The following SHBG variants were observed in gnomAD, a reference collection of about 807,000 sequenced individuals.
SHBG encodes sex hormone-binding globulin.
In SHBG, 37 loss-of-function variants were observed where a neutral mutation model predicts 41.9. That is an observed-to-expected ratio of 0.88 (90% CI 0.68 to 1.16). The LOEUF is 1.16. Ranked by LOEUF, SHBG falls within the 50% of genes most tolerant of loss-of-function variation. SHBG has a pLI of 0.00. For synonymous variants in SHBG, 217 were observed against 205.8 expected (o/e 1.05, Z -0.47); for missense variants, 466 against 499.9 (o/e 0.93, Z 0.65).
chr17:7,614,919 C>A (rs1458749162), intron 1 of SHBG: 2 of 153,238 alleles, frequency 1.3e-5, no homozygotes, highest in Non-Finnish European at 2.9e-5. Context: ...GGGCACCCGC[C>A]CGCTGCGCGC....
chr17:7,615,371 A>G (rs2071954562), intron 1 of SHBG, among the ~76,000 whole-genome samples: 1 of 152,034 alleles, frequency 6.6e-6, no homozygotes, highest in Admixed American at 6.5e-5. Context: ...AGTCGCCGCA[A>G]GGAAAAAGGT....
upstream of SHBG, chr17:7,628,031 G>T (rs762598560): frequency 1.5e-5 from 7 of 473,698 alleles, 1 homozygote; most frequent in African/African-American, 9.9e-5. Flanking sequence ...GGTTGTGTGG[G>T]TGTCCCAACC....
chr17:7,628,885 G>A (rs1322974510), upstream of SHBG, among the ~76,000 whole-genome samples: 4 of 151,760 alleles, frequency 2.6e-5, no homozygotes, highest in Admixed American at 1.3e-4. Flanking sequence ...GTGAAACCCC[G>A]TCTCTACTAA....
chr17:7,623,988 G>A (rs1054920092), upstream of SHBG, among the ~76,000 whole-genome samples: 1 of 152,068 alleles, frequency 6.6e-6, no homozygotes, highest in African/African-American at 2.4e-5. Context: ...ACAGAGTCTT[G>A]CTCTGTCGCC....
intron 1 of SHBG, among the ~76,000 whole-genome samples, chr17:7,621,473 C>T (rs560272678): frequency 1.0e-4 from 14 of 138,592 alleles, no homozygotes; most frequent in African/African-American, 1.9e-4. Context: ...TGGTGGTGCA[C>T]GCCTGTAATC....
chr17:7,628,099 A>G (rs200424711), upstream of SHBG: 266 of 463,908 alleles, frequency 5.7e-4, 1 homozygote, highest in Non-Finnish European at 1.4e-4. Flanking sequence ...AAATTGACAT[A>G]TGCAGTGATA....
At chr17:7,629,286 G>A (rs1257170315), upstream of SHBG, among the ~76,000 whole-genome samples, 1 of 151,740 alleles carries the variant, frequency 6.6e-6, no homozygotes, top group Non-Finnish European at 1.5e-5. Context: ...GCTGAGACAG[G>A]AGGATCGCTT....
At chr17:7,627,586 A>T, upstream of SHBG, 3 of 1,611,528 alleles carry the variant, frequency 1.9e-6, no homozygotes, top group Non-Finnish European at 2.5e-6. This position sits in a 1 kb window ranked among gnomAD's most constrained non-coding sequence, Gnocchi z 4.8. Flanking sequence ...CAGCCTCAGG[A>T]TATCTCCACA....
At chr17:7,619,080 T>C (rs775440306) in intron 1 of SHBG, among the ~76,000 whole-genome samples, 1 of 152,096 alleles carries the variant, frequency 6.6e-6, no homozygotes, top group Non-Finnish European at 1.5e-5. Context: ...ATACGTGTAT[T>C]CGTATAATCA....
In SHBG at chr17:7,632,003, C is replaced by A. The variant is rs773406667; in HGVS notation, c.840C>A (p.His280Gln). 26 of 1,613,646 alleles carry A rather than the reference C, an allele frequency of 1.6e-5. No individual in the cohort carries two copies. Among genetic ancestry groups the A allele is most frequent in the Non-Finnish European group, 1.9e-5 (23 of 1,180,026 alleles). Residue 280 changes from histidine (H) to glutamine (Q), a missense_variant, in exon 6 of 8, where the codon CAC (histidine) becomes CAA (glutamine). Transcript: ENST00000380450. ...TPENPSWLSL[H>Q]LQDQKVVLSS... ...AGAACCCATCTTGGCTCAGTCTCCA[C>A]CTCCAAGATCAAGTAAAGGGGGACA... is the stretch of plus-strand genomic sequence containing the variant.
chr17:7,618,310 C>T (rs2072028888), intron 1 of SHBG, among the ~76,000 whole-genome samples: 1 of 151,910 alleles, frequency 6.6e-6, no homozygotes, highest in Non-Finnish European at 1.5e-5. Context: ...CTTACTCTGC[C>T]ACTCAGACTG....
At chr17:7,629,451 G>C (rs146797612), upstream of SHBG, among the ~76,000 whole-genome samples, 707 of 152,180 alleles carry the variant, frequency 4.6e-3, 8 homozygotes, top group African/African-American at 0.016. Flanking sequence ...CTGCTAGACT[G>C]TTTAGGCCCT....
At chr17:7,615,246 C>A (rs1439185692) in intron 1 of SHBG, among the ~76,000 whole-genome samples, 1 of 152,132 alleles carries the variant, frequency 6.6e-6, no homozygotes, top group East Asian at 1.9e-4. Context: ...GCCGCTGGCC[C>A]CACCGGGCTT....
upstream of SHBG, among the ~76,000 whole-genome samples, chr17:7,624,350 C>T (rs142675740): frequency 0.24 from 37,000 of 151,892 alleles, 4,885 homozygotes; most frequent in Admixed American, 0.34. Context: ...TGGGTTCAAG[C>T]GATTCTCATG....
intron 6 of SHBG, 156 bp downstream of exon 6, chr17:7,632,171 G>A (rs2072440093): frequency 1.2e-5 from 10 of 809,954 alleles, no homozygotes; most frequent in Admixed American, 2.1e-5. Context: ...AATTAGCCAG[G>A]CATGGTGGTG....
chr17:7,626,824 C>T, upstream of SHBG: 1 of 1,613,130 alleles, frequency 6.2e-7, no homozygotes, highest in Non-Finnish European at 8.5e-7. Context: ...CAAAAAATAG[C>T]TATTGTTTGA....
At chr17:7,621,806 A>G (rs2072103173) in intron 1 of SHBG, among the ~76,000 whole-genome samples, 1 of 151,804 alleles carries the variant, frequency 6.6e-6, no homozygotes, top group African/African-American at 2.4e-5. Flanking sequence ...CTTTGCAAGT[A>G]AGGATAGAGC....
chr17:7,615,241 T>C (rs1303099731), intron 1 of SHBG, among the ~76,000 whole-genome samples: 2 of 151,988 alleles, frequency 1.3e-5, no homozygotes, highest in Non-Finnish European at 2.9e-5. Flanking sequence ...CCGCCGCCGC[T>C]GGCCCCACCG....
intron 1 of SHBG, among the ~76,000 whole-genome samples, chr17:7,620,151 A>C (rs930729645): frequency 6.6e-6 from 1 of 152,128 alleles, no homozygotes; most frequent in Non-Finnish European, 1.5e-5. Context: ...AAAATTGAAA[A>C]AGAAAAAGAG....
Sources: allele counts gnomAD v4.1 joint callset (sites outside exome capture counted in the v4.1 genomes callset), GRCh38; gene constraint gnomAD v4.1.1; non-coding constraint Gnocchi (gnomAD v3.1); transcripts MANE v1.5; gene names NCBI Gene and HGNC (gene_info 2026-07-23, HGNC 2026-07-21).